The following SLC7A2 variants were observed in gnomAD, a reference collection of about 807,000 sequenced individuals.
The protein encoded by SLC7A2 is solute carrier family 7 member 2.
In SLC7A2, 48 loss-of-function variants were observed where a neutral mutation model predicts 58.9. The observed-to-expected ratio is 0.82, with a 90% CI of 0.65 to 1.04. The LOEUF is 1.04. Among genes scored for constraint, SLC7A2 ranks in the 50% least tolerant of loss-of-function variants. The pLI is 0.00. For synonymous variants in SLC7A2, 363 were observed against 314.5 expected (o/e 1.15, Z -1.63); for missense variants, 1,029 against 818.8 (o/e 1.26, Z -3.13).
intron 2 of SLC7A2, among the ~76,000 whole-genome samples, chr8:17,540,408 TC>T (rs1385439354): frequency 6.6e-6 from 1 of 152,070 alleles, no homozygotes; most frequent in Non-Finnish European, 1.5e-5. Flanking sequence ...TTGTCTTTTT[TC>T]CCCAGAGTAA....
At chr8:17,522,932 G>A (rs1801075127) in intron 2 of SLC7A2, among the ~76,000 whole-genome samples, 1 of 151,974 alleles carries the variant, frequency 6.6e-6, no homozygotes, top group African/African-American at 2.4e-5. Flanking sequence ...CTACTTGGGA[G>A]GCTGAAGTGG....
intron 2 of SLC7A2, among the ~76,000 whole-genome samples, chr8:17,536,900 A>G (rs1173375685): frequency 6.6e-6 from 1 of 152,100 alleles, no homozygotes; most frequent in African/African-American, 2.4e-5. Context: ...GGTGTGTCCA[A>G]ACCATGTCGG....
At chr8:17,512,197 C>T (rs973558668) in intron 2 of SLC7A2, among the ~76,000 whole-genome samples, 3 of 151,984 alleles carry the variant, frequency 2.0e-5, no homozygotes, top group African/African-American at 7.3e-5. Context: ...AGTAGAGTAA[C>T]AAAAGATATG....
chr8:17,540,143 A>G (rs538635859), intron 2 of SLC7A2, among the ~76,000 whole-genome samples: 3 of 152,344 alleles, frequency 2.0e-5, no homozygotes, highest in South Asian at 4.1e-4. Flanking sequence ...TACACCTGCT[A>G]GGACTCAATA....
At chr8:17,520,416 G>A (rs536891263) in intron 2 of SLC7A2, among the ~76,000 whole-genome samples, 3 of 151,760 alleles carry the variant, frequency 2.0e-5, no homozygotes, top group African/African-American at 4.8e-5. Flanking sequence ...CGAGGTGGGC[G>A]GATCACCCGA....
chr8:17,504,729 C>A (rs145232814), intron 2 of SLC7A2, among the ~76,000 whole-genome samples: 1 of 152,232 alleles, frequency 6.6e-6, no homozygotes, highest in South Asian at 2.1e-4. Context: ...ACAACTTAAG[C>A]GCCATACTGT....
chr8:17,558,235 T>TTAGG, intron 8 of SLC7A2, 60 bp from the exon 9 acceptor site: 1 of 1,068,686 alleles, frequency 9.4e-7, no homozygotes, highest in Non-Finnish European at 1.5e-6. Context: ...TGAACGTTAG[T>TTAGG]AACTGTATGG....
intron 8 of SLC7A2, among the ~76,000 whole-genome samples, 173 bp from the exon 9 acceptor site, chr8:17,558,122 A>G (rs188942614): frequency 2.6e-5 from 4 of 152,274 alleles, no homozygotes; most frequent in African/African-American, 9.6e-5. Context: ...AGCAGTTTAT[A>G]TGACCTAAAG....
At chr8:17,526,647 C>T (rs1232721333) in intron 2 of SLC7A2, among the ~76,000 whole-genome samples, 1 of 151,974 alleles carries the variant, frequency 6.6e-6, no homozygotes, top group Non-Finnish European at 1.5e-5. Flanking sequence ...AGGTAGTCAC[C>T]TTTATTTTCA....
At position 17,570,166 on chromosome 8, in the gene SLC7A2, C is replaced by G. The variant is rs972649701; in HGVS notation, c.*5020C>G. 6.6e-6 allele frequency: 1 copy of G among 152,184 alleles called. No homozygotes were observed. The highest frequency in any genetic ancestry group is 1.5e-5 in the Non-Finnish European group (1 of 68,050). The allele number at this position is 152,184 out of a possible 1,614,324, so 9.4% of individuals were successfully genotyped here. On this transcript the variant is annotated 3_prime_UTR_variant, in exon 13 of 13. Transcript: ENST00000494857. ...GCTGTGCCACGTGTCTCACCAAGAC[C>G]CAGTTGGGAAAGAGCGTCATATTGC...
chr8:17,536,939 G>A (rs767355202), intron 2 of SLC7A2, among the ~76,000 whole-genome samples: 3 of 152,330 alleles, frequency 2.0e-5, no homozygotes, highest in Admixed American at 6.5e-5. Context: ...CGTTAGAAGC[G>A]CAGCAAGGCC....
chr8:17,509,011 G>C lies in SLC7A2; in HGVS notation c.-23+6709G>C, dbSNP rs1180074327. ...GTTGGTGAAAGTTGGAGATGCTGGT[G>C]GTGTAAGGCAGGCGAATGATATTAC... On this transcript the variant is annotated intron_variant, in intron 2 of 12. Transcript: ENST00000494857. Among the ~76,000 whole-genome samples, 3 of 152,218 alleles carry C rather than the reference G, an allele frequency of 2.0e-5. No homozygotes were observed. In the East Asian group the frequency reaches 5.8e-4, roughly 29 times the overall value.
At chr8:17,541,701 T>A (rs1801918158) in intron 2 of SLC7A2, among the ~76,000 whole-genome samples, 2 of 152,222 alleles carry the variant, frequency 1.3e-5, no homozygotes, top group South Asian at 4.1e-4. Flanking sequence ...TCATTTTTGA[T>A]ATTTCTTTTG....
intron 2 of SLC7A2, among the ~76,000 whole-genome samples, chr8:17,517,215 A>C (rs1418002253): frequency 1.3e-5 from 2 of 152,226 alleles, no homozygotes; most frequent in Non-Finnish European, 2.9e-5. Context: ...AATGAGACCA[A>C]ACAAAAACTT....
chr8:17,550,494 G>A (rs973195843), intron 6 of SLC7A2, 60 bp downstream of exon 6: 46 of 1,513,860 alleles, frequency 3.0e-5, no homozygotes, highest in Non-Finnish European at 3.7e-5. Flanking sequence ...ACGAGTACCC[G>A]TGTGTGGTAG....
chr8:17,562,240 A>G (rs1478592882), intron 11 of SLC7A2, 130 bp downstream of exon 11: 16 of 833,920 alleles, frequency 1.9e-5, no homozygotes, highest in Non-Finnish European at 2.7e-5. Context: ...TCTCTTTGTC[A>G]CTCAGGCTGG....
chr8:17,558,877 T>TA (rs1189749522), intron 9 of SLC7A2, among the ~76,000 whole-genome samples: 1 of 152,216 alleles, frequency 6.6e-6, no homozygotes, highest in Non-Finnish European at 1.5e-5. Flanking sequence ...GTATTAATTT[T>TA]ATGGAGAAAT....
intron 2 of SLC7A2, among the ~76,000 whole-genome samples, chr8:17,515,666 A>G (rs1000238100): frequency 7.2e-5 from 11 of 152,152 alleles, no homozygotes; most frequent in Non-Finnish European, 1.2e-4. Flanking sequence ...CTTTGCTGTA[A>G]TGTACCTACC....
intron 1 of SLC7A2, among the ~76,000 whole-genome samples, chr8:17,500,946 G>GA (rs1800133813): frequency 6.6e-6 from 1 of 151,618 alleles, no homozygotes; most frequent in Non-Finnish European, 1.5e-5. Flanking sequence ...CTTAGTAATG[G>GA]AAACTGTTAT....
Sources: gnomAD v4.1 joint callset for allele counts (sites outside exome capture counted in the v4.1 genomes callset) on GRCh38, gnomAD v4.1.1 for gene constraint, MANE v1.5 for transcripts, NCBI Gene and HGNC (gene_info 2026-07-23, HGNC 2026-07-21) for gene names.